TBP: variants seen among roughly 807,000 people sequenced by gnomAD.
The protein encoded by TBP is TATA-box-binding protein.
Under a neutral mutation model 46.2 loss-of-function variants are expected in TBP, and 12 were observed. The observed-to-expected ratio is 0.26, with a 90% CI of 0.17 to 0.42. TBP has a LOEUF of 0.42. Ranked by LOEUF, TBP falls within the 10% of genes least tolerant of loss-of-function variation. The probability of loss-of-function intolerance (pLI) is 1.00; values close to 1 mark genes in which losing one functional copy is unlikely to be tolerated. For synonymous variants in TBP, 157 were observed against 148.3 expected, an observed-to-expected ratio of 1.06 and a Z score of -0.42; for missense variants, 229 against 403.1, an observed-to-expected ratio of 0.57 and a Z score of 3.70.
chr6:170,567,226 A>C (rs2114999767), intron 5 of TBP: 1 of 184,094 alleles, frequency 5.4e-6, no homozygotes, highest in Non-Finnish European at 1.1e-5. Flanking sequence ...TAAAAATTAG[A>C]TATGGGCAGG....
intron 1 of TBP, among the ~76,000 whole-genome samples, chr6:170,556,116 G>C (rs1381498308): frequency 6.6e-6 from 1 of 152,192 alleles, no homozygotes; most frequent in Non-Finnish European, 1.5e-5. Context: ...AAATATCTGA[G>C]TGTCTGTTCT....
At position 170,571,943 on chromosome 6, in the gene TBP, T is replaced by C. The variant is rs1779373129; in HGVS notation, c.941-243T>C. Among the ~76,000 whole-genome samples the C allele has an allele frequency of 2.0e-5, 3 of 151,790 alleles. No individual in the cohort carries two copies. In the South Asian group the frequency reaches 6.2e-4, roughly 31 times the overall value. ...GACCAAGGAGAGAAGTGTGAATACA[T>C]GCCTCTTGAGCTATAGAATGAGACG... On this transcript the variant is annotated intron_variant, in intron 7 of 7. Coordinates refer to ENST00000392092, the MANE Select transcript of TBP (RefSeq NM_003194.5).
At chr6:170,563,880 A>T (rs888068202) in intron 3 of TBP, among the ~76,000 whole-genome samples, 4 of 152,234 alleles carry the variant, frequency 2.6e-5, no homozygotes, top group African/African-American at 9.6e-5. Context: ...TAAAATTTCT[A>T]ATAGAGTTGC....
At chr6:170,570,997 T>G (rs1233464066) in intron 6 of TBP, among the ~76,000 whole-genome samples, 2 of 152,182 alleles carry the variant, frequency 1.3e-5, no homozygotes. Context: ...AAAGTTAAAC[T>G]GTCAGTATTG....
At position 170,554,439 on chromosome 6, in the gene TBP, C is replaced by T. The variant is rs1272668988; in HGVS notation, c.-173C>T. 1.3e-5 allele frequency: 2 copies of T among 152,648 alleles called. No individual in the cohort carries two copies. Among genetic ancestry groups the T allele is most frequent in the East Asian group, 1.9e-4 (1 of 5,188 alleles). The allele number at this position is 152,648 out of a possible 1,614,324, so 9.5% of individuals were successfully genotyped here. The stretch of plus-strand genomic sequence containing the variant: ...CTGTTTAACTTCGCTTCCGCTGGCC[C>T]ATAGTGATCTTTGCAGTGACCCAGG... On this transcript the variant is annotated 5_prime_UTR_variant, in exon 1 of 8. Coordinates refer to ENST00000392092, the MANE Select transcript of TBP (RefSeq NM_003194.5).
At chr6:170,554,486 G>C (rs973707494) in intron 1 of TBP, 23 bp downstream of exon 1, 3 of 152,574 alleles carry the variant, frequency 2.0e-5, no homozygotes, top group African/African-American at 7.2e-5. Flanking sequence ...ACTCTTTTCT[G>C]ACGGTTCGGG....
intron 2 of TBP, 120 bp downstream of exon 2, chr6:170,557,203 A>G: frequency 1.0e-6 from 1 of 959,228 alleles, no homozygotes. Flanking sequence ...TATGTTTTTT[A>G]AGCCTTATTT....
intron 3 of TBP, among the ~76,000 whole-genome samples, chr6:170,562,696 GA>G (rs1465911459): frequency 6.6e-6 from 1 of 152,212 alleles, no homozygotes; most frequent in African/African-American, 2.4e-5. Flanking sequence ...ACAAAATGAA[GA>G]CGACTGTTTT....
intron 4 of TBP, among the ~76,000 whole-genome samples, chr6:170,566,139 C>A (rs547165906): frequency 1.3e-5 from 2 of 151,808 alleles, no homozygotes; most frequent in Non-Finnish European, 2.9e-5. Flanking sequence ...GTCAAAGAGT[C>A]GTCTTAATTA....
At chr6:170,564,728 T>G in intron 4 of TBP, 96 bp downstream of exon 4, 1 of 789,696 alleles carries the variant, frequency 1.3e-6, no homozygotes, top group Non-Finnish European at 1.9e-6. Context: ...AAAACAAATG[T>G]CTGTAGATCA....
intron 5 of TBP, among the ~76,000 whole-genome samples, chr6:170,567,839 G>A (rs182876624): frequency 1.3e-5 from 2 of 152,130 alleles, no homozygotes; most frequent in Non-Finnish European, 2.9e-5. Context: ...AGTACTCTGC[G>A]GCCCTGACTG....
intron 5 of TBP, among the ~76,000 whole-genome samples, chr6:170,569,149 T>TA (rs1262321742): frequency 1.3e-5 from 2 of 152,214 alleles, no homozygotes; most frequent in Non-Finnish European, 2.9e-5. Flanking sequence ...TCTGAACTGC[T>TA]AAGTCGTAGT....
At chr6:170,564,919 G>A (rs558181790) in intron 4 of TBP, among the ~76,000 whole-genome samples, 33 of 152,102 alleles carry the variant, frequency 2.2e-4, no homozygotes, top group African/African-American at 7.7e-4. Context: ...CACTTTGGGA[G>A]GCCGAGGTGG....
chr6:170,562,065 CAACACAGGG>C lies in TBP; in HGVS notation c.333_341del (p.Gln112_Thr114del), dbSNP rs756303791. ...GTTCAGCAGTCAACGTCCCAGCAGG[CAACACAGGG>C]AACCTCAGGCCAGGCACCACAGCTC... On this transcript the variant is annotated inframe_deletion, in exon 3 of 8. Coordinates refer to ENST00000392092, the MANE Select transcript of TBP (RefSeq NM_003194.5). The C allele has an allele frequency of 1.2e-6, 2 of 1,614,090 alleles. No homozygotes were observed. Among genetic ancestry groups the C allele is most frequent in the South Asian group, 2.2e-5 (2 of 91,070 alleles).
chr6:170,569,743 T>G lies in TBP; in HGVS notation c.809T>G (p.Leu270Ter), dbSNP rs1779336813. ...GSCDVKFPIR[L>*]EGLVLTHQQF... ...TGTGATGTGAAGTTTCCTATAAGGT[T>G]AGAAGGCCTTGTGCTCACCCACCAA... is the stretch of plus-strand genomic sequence containing the variant. The change falls in exon 6 of 8, where the codon TTA becomes TGA. Residue 270 changes from leucine (L) to a stop codon, truncating the protein, a stop_gained. Transcript: ENST00000392092. LOFTEE classifies it high-confidence loss of function. 1 of 1,613,928 alleles carries G rather than the reference T, an allele frequency of 6.2e-7. No individual in the cohort carries two copies. The highest frequency in any genetic ancestry group is 1.7e-5 in the Admixed American group (1 of 59,996).
intron 5 of TBP, among the ~76,000 whole-genome samples, chr6:170,567,740 T>C (rs898679815): frequency 6.6e-6 from 1 of 152,194 alleles, no homozygotes; most frequent in African/African-American, 2.4e-5. Context: ...ATTAATAGTG[T>C]TTGAGTTGTG....
At chr6:170,562,299 T>A in intron 3 of TBP, 66 bp downstream of exon 3, 1 of 1,488,054 alleles carries the variant, frequency 6.7e-7, no homozygotes, top group Non-Finnish European at 9.2e-7. Context: ...TCCTGCTCTG[T>A]TTTCAGATGG....
chr6:170,561,970 G>GCAACAGCAA lies in TBP; in HGVS notation c.236_237insACAGCAACA (p.Gln93_Gln95dup), dbSNP rs1779153660. The GCAACAGCAA allele has an allele frequency of 3.7e-6, 4 of 1,075,746 alleles. No homozygotes were observed. In the African/African-American group the frequency reaches 1.1e-4, roughly 28 times the overall value. 66.6% of individuals were successfully genotyped at this position (1,075,746 alleles called of 1,614,324 possible). A position where few individuals can be genotyped will look rare whatever the true frequency, so the allele number is the denominator to read the frequency against. ...AGCAGCAACAGCAACAGCAGCAGCA[G>GCAACAGCAA]CAGCAGCAGCAGCAGCAGCAGCAGC... On this transcript the variant is annotated inframe_insertion, in exon 3 of 8. Transcript: ENST00000392092.
At position 170,563,323 on chromosome 6, in the gene TBP, C is replaced by T. The variant is rs139955007; in HGVS notation, c.497+1090C>T. 2.6e-5 allele frequency among the ~76,000 whole-genome samples: 4 copies of T among 152,306 alleles called. No individual in the cohort carries two copies. In the East Asian group the frequency reaches 5.8e-4, roughly 22 times the overall value. The stretch of plus-strand genomic sequence containing the variant: ...CTGTTCTGATACTCCCCAGAGCATC[C>T]AGTCATCCACATTCCTGAATTTCCA... On this transcript the variant is annotated intron_variant, in intron 3 of 7. Coordinates refer to ENST00000392092, the MANE Select transcript of TBP (RefSeq NM_003194.5).
Sources: allele counts gnomAD v4.1 joint callset (sites outside exome capture counted in the v4.1 genomes callset), GRCh38; gene constraint gnomAD v4.1.1; transcripts MANE v1.5; gene names NCBI Gene and HGNC (gene_info 2026-07-23, HGNC 2026-07-21).